Variants in ERBB4 observed in about 807,000 individuals in gnomAD.
ERBB4 encodes the protein receptor tyrosine-protein kinase erbB-4.
ERBB4 carries 42 observed loss-of-function variants against 158.0 expected under a neutral mutation model. The observed-to-expected ratio is 0.27, with a 90% CI of 0.21 to 0.34. The LOEUF (loss-of-function observed/expected upper bound fraction) is 0.34, where lower values mean the gene tolerates loss of function less well. ERBB4 is among the 10% of genes least tolerant of loss of function. ERBB4 has a pLI of 1.00. For missense variants in ERBB4, 1,333 were observed against 1,624.1 expected, an observed-to-expected ratio of 0.82 and a Z score of 3.08; for synonymous variants, 583 against 558.7, an observed-to-expected ratio of 1.04 and a Z score of -0.61.
At chr2:211,678,028 A>C (rs1049180419) in intron 13 of ERBB4, among the ~76,000 whole-genome samples, 3 of 152,172 alleles carry the variant, frequency 2.0e-5, no homozygotes, top group Non-Finnish European at 2.9e-5. Flanking sequence ...GTTATGATAA[A>C]GTGATTTTAT....
chr2:211,951,706 T>G (rs1559172168), intron 2 of ERBB4, among the ~76,000 whole-genome samples: 1 of 152,148 alleles, frequency 6.6e-6, no homozygotes, highest in Non-Finnish European at 1.5e-5. Flanking sequence ...AGGGATTTGC[T>G]GTTATAACTG....
intron 1 of ERBB4, among the ~76,000 whole-genome samples, chr2:212,484,691 G>T (rs1446309214): frequency 6.6e-6 from 1 of 152,156 alleles, no homozygotes; most frequent in African/African-American, 2.4e-5. Context: ...TGCTTCAAAG[G>T]CTTTTTAAGG....
chr2:211,678,962 G>A (rs1219685103), intron 13 of ERBB4, 90 bp downstream of exon 13: 23 of 884,754 alleles, frequency 2.6e-5, no homozygotes, highest in East Asian at 1.3e-4. Context: ...GCGAGACTCC[G>A]TCTCAAAAAA....
At chr2:211,881,355 T>G (rs1358043481) in intron 3 of ERBB4, among the ~76,000 whole-genome samples, 1 of 152,098 alleles carries the variant, frequency 6.6e-6, no homozygotes, top group Non-Finnish European at 1.5e-5. Flanking sequence ...AAGAAATTAT[T>G]TTTTTGCTAA....
At chr2:212,066,844 A>G (rs2077962954) in intron 2 of ERBB4, among the ~76,000 whole-genome samples, 1 of 151,984 alleles carries the variant, frequency 6.6e-6, no homozygotes, top group African/African-American at 2.4e-5. Context: ...TGACAAGTAC[A>G]GGTTTCCAAT....
intron 3 of ERBB4, among the ~76,000 whole-genome samples, chr2:211,867,854 C>T (rs888945177): frequency 6.6e-6 from 1 of 152,190 alleles, no homozygotes; most frequent in African/African-American, 2.4e-5. Context: ...AGCTGTTGCA[C>T]TATGTATGTT....
chr2:211,469,288 A>G (rs1421345361), intron 20 of ERBB4, among the ~76,000 whole-genome samples: 2 of 152,176 alleles, frequency 1.3e-5, no homozygotes, highest in Admixed American at 1.3e-4. Context: ...TCATTTATCC[A>G]TTTATTTGAA....
At chr2:212,270,635 T>C (rs2106116861) in intron 1 of ERBB4, among the ~76,000 whole-genome samples, 1 of 151,906 alleles carries the variant, frequency 6.6e-6, no homozygotes, top group South Asian at 2.1e-4. Flanking sequence ...GGCCTGGAAC[T>C]TTCTACGTTT....
chr2:211,652,769 T>C (rs918758275), intron 16 of ERBB4, among the ~76,000 whole-genome samples: 1 of 152,214 alleles, frequency 6.6e-6, no homozygotes, highest in Admixed American at 6.5e-5. Context: ...AATAATTGAA[T>C]TGGAGCAAGT....
In ERBB4 at chr2:211,464,717, C is replaced by A. The variant is rs187737339; in HGVS notation, c.2488-33617G>T. Among the ~76,000 whole-genome samples the A allele has an allele frequency of 3.3e-4, 50 of 152,124 alleles. 1 individual carries two copies. The highest frequency in any genetic ancestry group is 1.1e-3 in the African/African-American group (47 of 41,514). Reference sequence around the variant, plus strand: ...AGAAAAGCTTTTTTTATATTATACACTACTAAATAAATATGAGCAAGTTTA... The same window carrying A: ...AGAAAAGCTTTTTTTATATTATACAATACTAAATAAATATGAGCAAGTTTA... On this transcript the variant is annotated intron_variant, in intron 20 of 27. Coordinates refer to ENST00000342788, the MANE Select transcript of ERBB4 (RefSeq NM_005235.3).
chr2:212,023,214 A>G (rs1028422915), intron 2 of ERBB4, among the ~76,000 whole-genome samples: 33 of 152,100 alleles, frequency 2.2e-4, no homozygotes, highest in Non-Finnish European at 4.1e-4. Flanking sequence ...AGTTATATTT[A>G]TATCTCAGCT....
At chr2:211,731,720 T>A (rs150208684) in intron 5 of ERBB4, among the ~76,000 whole-genome samples, 1 of 152,104 alleles carries the variant, frequency 6.6e-6, no homozygotes, top group African/African-American at 2.4e-5. Context: ...GTGTAACATG[T>A]TTTAAGAAAG....
At chr2:212,365,022 CTTAT>C (rs1287934117) in intron 1 of ERBB4, among the ~76,000 whole-genome samples, 1 of 150,952 alleles carries the variant, frequency 6.6e-6, no homozygotes, top group Non-Finnish European at 1.5e-5. Context: ...ATATTTAAAT[CTTAT>C]TTAAAGTCAA....
chr2:212,014,831 A>T (rs2076470379), intron 2 of ERBB4, among the ~76,000 whole-genome samples: 1 of 151,558 alleles, frequency 6.6e-6, no homozygotes, highest in Non-Finnish European at 1.5e-5. Flanking sequence ...AATGTACATA[A>T]TATTGTTTAC....
chr2:212,319,928 C>T (rs1350461977), intron 1 of ERBB4, among the ~76,000 whole-genome samples: 1 of 150,246 alleles, frequency 6.7e-6, no homozygotes, highest in Non-Finnish European at 1.5e-5. Flanking sequence ...AATATACTCT[C>T]ATCTTTTCAA....
At chr2:212,197,938 G>A (rs2082479185) in intron 1 of ERBB4, among the ~76,000 whole-genome samples, 1 of 152,148 alleles carries the variant, frequency 6.6e-6, no homozygotes, top group Non-Finnish European at 1.5e-5. Flanking sequence ...TTAATTTCAT[G>A]TAGTTAAGAC....
At chr2:211,800,723 T>C (rs1162633906) in intron 3 of ERBB4, among the ~76,000 whole-genome samples, 1 of 149,600 alleles carries the variant, frequency 6.7e-6, no homozygotes, top group East Asian at 2.0e-4. Flanking sequence ...CCCAACCTCG[T>C]CTCTTGAGGT....
rs74960547 is a variant in ERBB4, at chr2:211,755,093, G to A, written c.557-4389C>T. ...ATTTCCATGTAGCTCGGTGATAGGAGAATTAGTCAAATTAGTACGTCTTGT... is the reference window on the plus strand; with the variant it reads ...ATTTCCATGTAGCTCGGTGATAGGAAAATTAGTCAAATTAGTACGTCTTGT... On this transcript the variant is annotated intron_variant, in intron 4 of 27. Coordinates refer to ENST00000342788, the MANE Select transcript of ERBB4 (RefSeq NM_005235.3). 7.6e-3 allele frequency among the ~76,000 whole-genome samples: 1,159 copies of A among 152,336 alleles called. 9 individuals are homozygous for A. Among genetic ancestry groups the A allele is most frequent in the Non-Finnish European group, 0.013 (870 of 68,030 alleles).
At chr2:211,513,373 AAAAC>A (rs1486084660) in intron 20 of ERBB4, among the ~76,000 whole-genome samples, 1,574 of 76,318 alleles carry the variant, frequency 0.021, 94 homozygotes, top group Admixed American at 0.031. Flanking sequence ...AAAAAAAAAA[AAAAC>A]AAAAAAAAAA....
Sources: gnomAD v4.1 joint callset for allele counts (sites outside exome capture counted in the v4.1 genomes callset) on GRCh38, gnomAD v4.1.1 for gene constraint, MANE v1.5 for transcripts, NCBI Gene and HGNC (gene_info 2026-07-23, HGNC 2026-07-21) for gene names.